Variants in EHMT2 observed in about 807,000 individuals in gnomAD.
The protein encoded by EHMT2 is histone-lysine N-methyltransferase EHMT2.
In EHMT2, 59 loss-of-function variants were observed where a neutral mutation model predicts 143.3. That is an observed-to-expected ratio of 0.41 (90% CI 0.33 to 0.51). The LOEUF (loss-of-function observed/expected upper bound fraction) is 0.51, where lower values mean the gene tolerates loss of function less well. EHMT2 is among the 20% of genes least tolerant of loss of function. The pLI, the probability that EHMT2 is intolerant of heterozygous loss-of-function variation, is 0.18. For synonymous variants in EHMT2, 604 were observed against 651.5 expected, an observed-to-expected ratio of 0.93 and a Z score of 1.11; for missense variants, 1,174 against 1,645.9, an observed-to-expected ratio of 0.71 and a Z score of 4.96.
At chr6:31,886,964 G>A (rs764589187) in intron 16 of EHMT2, 31 bp downstream of exon 16, 1 of 1,613,584 alleles carries the variant, frequency 6.2e-7, no homozygotes, top group Non-Finnish European at 8.5e-7. Context: ...AGGGCCTGGT[G>A]AATGAGGCAT....
At chr6:31,886,852 G>A (rs1317377631) in exon 17 of EHMT2, 2 of 1,614,238 alleles carry the variant, frequency 1.2e-6, no homozygotes, top group East Asian at 4.5e-5. Flanking sequence ...GCCTCCATCA[G>A]TGGCGTCCGC....
exon 15 of EHMT2, chr6:31,887,625 A>T (rs963346271): frequency 6.2e-7 from 1 of 1,612,930 alleles, no homozygotes; most frequent in Non-Finnish European, 8.5e-7. Context: ...ACGGACAGGT[A>T]CAACTGCCGA....
chr6:31,887,971 A>G lies in EHMT2; in HGVS notation c.1746-10T>C, dbSNP rs1765109847. 3 of 1,584,942 alleles carry G rather than the reference A, an allele frequency of 1.9e-6. No homozygotes were observed. Among genetic ancestry groups the G allele is most frequent in the East Asian group, 4.5e-5 (2 of 44,482 alleles). The stretch of plus-strand genomic sequence containing the variant: ...CCCTCGCATCCGGGCACTGTGGAAG[A>G]AGGAGCTCATGTCCAGGAGCAATAG... On this transcript the variant is annotated splice_polypyrimidine_tract_variant and intron_variant, in intron 13 of 27. Transcript: ENST00000375537.
At position 31,883,032 on chromosome 6, in the gene EHMT2, G is replaced by A. The variant is rs1441464344; in HGVS notation, c.2995-23C>T. ...ATCCTAGGGTGCGGAGGGGAGGATA[G>A]TGGTTTCTCTGTGGGGCCCACCTCA... On this transcript the variant is annotated intron_variant, in intron 23 of 27. Transcript: ENST00000375537. This position sits in a 1 kb window ranked among gnomAD's most constrained non-coding sequence, Gnocchi z 5.6. 2 of 1,605,354 alleles carry A rather than the reference G, an allele frequency of 1.2e-6. No homozygotes were observed. Among genetic ancestry groups the A allele is most frequent in the Admixed American group, 1.7e-5 (1 of 59,642 alleles).
chr6:31,883,303 G>A lies in EHMT2; in HGVS notation c.2994+59C>T, dbSNP rs1377240266. 6.4e-7 allele frequency: 1 copy of A among 1,553,010 alleles called. No homozygotes were observed. The highest frequency in any genetic ancestry group is 8.9e-7 in the Non-Finnish European group (1 of 1,128,652). ...ATGGTCCCAGGGAGCTGGTTTATTG[G>A]AGGCTGGCTCCTCTGAAGGAGGGGC... is the stretch of plus-strand genomic sequence containing the variant. On this transcript the variant is annotated intron_variant, in intron 23 of 27. Transcript: ENST00000375537. The surrounding 1 kb of genome is among the most constrained non-coding windows in gnomAD (Gnocchi z 5.6).
Position 31,889,710 on chromosome 6 carries a change from G to T in EHMT2, c.865-108C>A. 3 of 1,410,374 alleles carry T rather than the reference G, an allele frequency of 2.1e-6. No homozygotes were observed. The highest frequency in any genetic ancestry group is 2.0e-6 in the Non-Finnish European group (2 of 1,015,590). 87.4% of individuals were successfully genotyped at this position (1,410,374 alleles called of 1,614,324 possible). A position where few individuals can be genotyped will look rare whatever the true frequency, so the allele number is the denominator to read the frequency against. On this transcript the variant is annotated intron_variant, in intron 7 of 27. Coordinates refer to ENST00000375537, the Ensembl canonical transcript of EHMT2. This position sits in a 1 kb window ranked among gnomAD's most constrained non-coding sequence, Gnocchi z 5.1. ...CCCCCGCCACTACCCACGGATGGCT[G>T]CTGGGGATAAGTGTGGGTAGCAGAG...
At position 31,897,003 on chromosome 6, in the gene EHMT2, C is replaced by T; in HGVS notation, c.43-14G>A. On this transcript the variant is annotated splice_polypyrimidine_tract_variant and intron_variant, in intron 1 of 27. Transcript: ENST00000375537. ...GGGGGCCTCCCCCTGGGAGGGGAGACAAGGGACAGGAGGGCTGGTCAGCCC... is the reference window on the plus strand; with the variant it reads ...GGGGGCCTCCCCCTGGGAGGGGAGATAAGGGACAGGAGGGCTGGTCAGCCC... 1 of 1,558,416 alleles carries T rather than the reference C, an allele frequency of 6.4e-7. No homozygotes were observed. Among genetic ancestry groups the T allele is most frequent in the Non-Finnish European group, 8.6e-7 (1 of 1,157,370 alleles).
chr6:31,883,787 C>A lies in EHMT2; in HGVS notation c.2916+19G>T. ...AGCTCTCGGTGTCCTTTTGGGGAGG[C>A]CCCGGGCCCCCTACTCACCTGCAGG... On this transcript the variant is annotated intron_variant, in intron 22 of 27. Transcript: ENST00000375537. This position sits in a 1 kb window ranked among gnomAD's most constrained non-coding sequence, Gnocchi z 5.6. The A allele has an allele frequency of 1.2e-6, 2 of 1,611,194 alleles. No homozygotes were observed. Among genetic ancestry groups the A allele is most frequent in the South Asian group, 2.2e-5 (2 of 90,954 alleles).
In EHMT2 at chr6:31,889,597, T is replaced by C; in HGVS notation, c.870A>G (p.Glu290=). 6.2e-7 allele frequency: 1 copy of C among 1,610,658 alleles called. No homozygotes were observed. Among genetic ancestry groups the C allele is most frequent in the East Asian group, 2.2e-5 (1 of 44,868 alleles). The change falls in exon 8 of 28, where the codon GAA becomes GAG. Residue 290 remains glutamate (E), a synonymous_variant. Transcript: ENST00000375537. This position sits in a 1 kb window ranked among gnomAD's most constrained non-coding sequence, Gnocchi z 5.1. The stretch of plus-strand genomic sequence containing the variant: ...TTAGTTGTTCAGTTAGAGCTTCAAC[T>C]TCAGACTGGGAGAGAGGCAGAACAG...
At position 31,884,784 on chromosome 6, in the gene EHMT2, G is replaced by C; in HGVS notation, c.2464C>G (p.Leu822Val). 1 of 1,600,204 alleles carries C rather than the reference G, an allele frequency of 6.2e-7. No homozygotes were observed. Among genetic ancestry groups the C allele is most frequent in the Non-Finnish European group, 8.5e-7 (1 of 1,173,692 alleles). Residue 822 changes from leucine (L) to valine (V), a missense_variant, in exon 20 of 28, where the codon CTG becomes GTG. Transcript: ENST00000375537. The surrounding 1 kb of genome is among the most constrained non-coding windows in gnomAD (Gnocchi z 7.3). ...CTGCCCGTGAAGGAGGCCCAGTGCA[G>C]GCAGATGTTCTCCTCCTGTGGAGGT...
Position 31,881,411 on chromosome 6 carries a change from A to G in EHMT2, c.3198-319T>C, listed in dbSNP as rs1440511001. 1.9e-5 allele frequency: 9 copies of G among 481,524 alleles called. No individual in the cohort carries two copies. Among genetic ancestry groups the G allele is most frequent in the Non-Finnish European group, 3.0e-5 (8 of 262,594 alleles). 29.8% of individuals were successfully genotyped at this position (481,524 alleles called of 1,614,324 possible). A position where few individuals can be genotyped will look rare whatever the true frequency, so the allele number is the denominator to read the frequency against. ...TGTGTTCCAGGAGCCACCCGGCAGG[A>G]ATGGGCGATATGGAACAGGAGAGGG... is the stretch of plus-strand genomic sequence containing the variant. On this transcript the variant is annotated intron_variant, in intron 25 of 27. Coordinates refer to ENST00000375537, the Ensembl canonical transcript of EHMT2. The surrounding 1 kb of genome is among the most constrained non-coding windows in gnomAD (Gnocchi z 4.8).
intron 24 of EHMT2, 41 bp from the exon 25 acceptor site, chr6:31,882,826 GA>G: frequency 6.2e-7 from 1 of 1,611,972 alleles, no homozygotes; most frequent in East Asian, 2.2e-5. Flanking sequence ...GGAGGCCCTG[GA>G]AAAGCCCCAG....
rs1255673340 is a variant in EHMT2 at position 31,880,999 on chromosome 6, G to A, written c.3276+15C>T. The A allele has an allele frequency of 6.2e-7, 1 of 1,611,548 alleles. No homozygotes were observed. The highest frequency in any genetic ancestry group is 1.7e-5 in the Admixed American group (1 of 60,020). Reference sequence around the variant, plus strand: ...GCCCTGGGGAGCAGCAGGGTAAGGAGGGTCTCCTGCTCACCTTGTTGTCTA... The same window carrying A: ...GCCCTGGGGAGCAGCAGGGTAAGGAAGGTCTCCTGCTCACCTTGTTGTCTA... On this transcript the variant is annotated intron_variant, in intron 26 of 27. Coordinates refer to ENST00000375537, the Ensembl canonical transcript of EHMT2. The surrounding 1 kb of genome is among the most constrained non-coding windows in gnomAD (Gnocchi z 6.6).
intron 4 of EHMT2, chr6:31,896,031 A>T (rs921359501): frequency 4.2e-6 from 2 of 478,508 alleles, no homozygotes; most frequent in African/African-American, 3.9e-5. Context: ...TAAGACATTA[A>T]CTATATAATT....
At chr6:31,893,528 T>G (rs1765979676) in intron 4 of EHMT2, 1 of 303,428 alleles carries the variant, frequency 3.3e-6, no homozygotes, top group Non-Finnish European at 6.7e-6. Flanking sequence ...GGTCTTGCCA[T>G]GTTGCCCAGG....
chr6:31,895,831 A>T (rs1211291453), intron 4 of EHMT2: 1 of 167,664 alleles, frequency 6.0e-6, no homozygotes. Context: ...ACTTGGTCAT[A>T]AAGCTTCTGG....
intron 4 of EHMT2, among the ~76,000 whole-genome samples, chr6:31,895,081 G>C (rs1241890735): frequency 6.6e-6 from 1 of 152,162 alleles, no homozygotes; most frequent in African/African-American, 2.4e-5. Flanking sequence ...GTTTATCATA[G>C]TGAGAAAGGA....
chr6:31,880,483 G>A lies in EHMT2; in HGVS notation c.3452+190C>T. 2.4e-6 allele frequency: 2 copies of A among 834,930 alleles called. No individual in the cohort carries two copies. Among genetic ancestry groups the A allele is most frequent in the Non-Finnish European group, 3.6e-6 (2 of 551,100 alleles). The allele number at this position is 834,930 out of a possible 1,614,324, so 51.7% of individuals were successfully genotyped here. On this transcript the variant is annotated intron_variant, in intron 27 of 27. Coordinates refer to ENST00000375537, the Ensembl canonical transcript of EHMT2. This position sits in a 1 kb window ranked among gnomAD's most constrained non-coding sequence, Gnocchi z 6.6. ...TCCTGGGCCCCATCCCAAGCCTACT[G>A]ATTCAAAATCTCTCTGGGAGGCACA... is the stretch of plus-strand genomic sequence containing the variant.
intron 4 of EHMT2, 64 bp downstream of exon 4, chr6:31,896,199 G>A: frequency 6.5e-7 from 1 of 1,539,530 alleles, no homozygotes; most frequent in Non-Finnish European, 8.7e-7. Context: ...AGCCTTAAGT[G>A]AAACTGTAAA....
Sources: gnomAD v4.1 joint callset for allele counts (sites outside exome capture counted in the v4.1 genomes callset) on GRCh38, gnomAD v4.1.1 for gene constraint, Gnocchi (gnomAD v3.1) non-coding constraint, MANE v1.5 for transcripts, NCBI Gene and HGNC (gene_info 2026-07-23, HGNC 2026-07-21) for gene names.